Variants in CCNL1 observed in about 807,000 individuals in gnomAD.
CCNL1 encodes cyclin L1.
Under a neutral mutation model 60.6 loss-of-function variants are expected in CCNL1, and 13 were observed. The ratio of observed to expected loss-of-function variants is 0.21; its 90% CI spans 0.14 to 0.34. The LOEUF (loss-of-function observed/expected upper bound fraction) is 0.34. Ranked by LOEUF, CCNL1 falls within the 10% of genes least tolerant of loss-of-function variation. The probability of loss-of-function intolerance (pLI) is 1.00; values close to 1 mark genes in which losing one functional copy is unlikely to be tolerated. For synonymous variants in CCNL1, 270 were observed against 244.3 expected (o/e 1.10, Z -0.98); for missense variants, 481 against 664.3 (o/e 0.72, Z 3.03).
intron 4 of CCNL1, 126 bp from the exon 5 acceptor site, chr3:157,152,367 T>A (rs1324894550): frequency 7.0e-7 from 1 of 1,435,016 alleles, no homozygotes; most frequent in East Asian, 2.5e-5. Flanking sequence ...TACAGACCAA[T>A]TTAAATGTAC....
At chr3:157,156,997 G>C (rs183295820) in intron 3 of CCNL1, 25 of 1,289,762 alleles carry the variant, frequency 1.9e-5, no homozygotes, top group African/African-American at 4.5e-5. Flanking sequence ...GGGGATTTTC[G>C]ATACTTCACT....
chr3:157,146,479 C>T (rs543383958), downstream of CCNL1: 35 of 444,956 alleles, frequency 7.9e-5, no homozygotes, highest in South Asian at 5.5e-4. Context: ...CTCCTATTTC[C>T]AAGCAAAGAT....
downstream of CCNL1, chr3:157,146,675 C>T (rs1405049126): frequency 5.5e-6 from 2 of 362,452 alleles, no homozygotes; most frequent in African/African-American, 2.2e-5. Context: ...CCTTTGCTGA[C>T]ATTTGCCTTT....
intron 5 of CCNL1, chr3:157,150,851 G>A: frequency 1.0e-6 from 1 of 986,468 alleles, no homozygotes; most frequent in Non-Finnish European, 1.2e-6. Flanking sequence ...GGCATTTTCA[G>A]TAAGTACCAA....
intron 5 of CCNL1, chr3:157,150,993 T>TA: frequency 1.0e-6 from 1 of 985,294 alleles, no homozygotes; most frequent in African/African-American, 1.7e-5. Context: ...CTATTTCAGT[T>TA]AAAAAATTGC....
chr3:157,149,187 A>T, intron 10 of CCNL1, 100 bp downstream of exon 10: 1 of 968,554 alleles, frequency 1.0e-6, no homozygotes, highest in Admixed American at 2.2e-5. Flanking sequence ...CCTAATTCTA[A>T]CCTAACTTTG....
intron 5 of CCNL1, 32 bp downstream of exon 5, chr3:157,152,145 G>A: frequency 6.2e-7 from 1 of 1,603,630 alleles, no homozygotes; most frequent in Non-Finnish European, 8.5e-7. Context: ...CTGTTTTCCT[G>A]GCTAGGAAAG....
chr3:157,147,705 A>C lies in CCNL1; in HGVS notation c.*536T>G. On this transcript the variant is annotated 3_prime_UTR_variant, in exon 11 of 11. Coordinates refer to ENST00000295926, the MANE Select transcript of CCNL1 (RefSeq NM_020307.4). ...ATCTCAAACTACCATCTAATGGAGG[A>C]AAGAATAAGTTTGTCAGAAAACCAG... The C allele has an allele frequency of 2.0e-6, 2 of 985,306 alleles. No individual in the cohort carries two copies. The highest frequency in any genetic ancestry group is 2.4e-6 in the Non-Finnish European group (2 of 829,798). The allele number at this position is 985,306 out of a possible 1,614,324, so 61.0% of individuals were successfully genotyped here. A position where few individuals can be genotyped will look rare whatever the true frequency, so the allele number is the denominator to read the frequency against.
Position 157,150,143 on chromosome 3 carries a change from C to A in CCNL1, c.801G>T (p.Trp267Cys). 6.2e-7 allele frequency: 1 copy of A among 1,612,788 alleles called. No homozygotes were observed. Among genetic ancestry groups the A allele is most frequent in the Non-Finnish European group, 8.5e-7 (1 of 1,179,668 alleles). The change falls in exon 7 of 11, where the codon TGG (tryptophan) becomes TGT (cysteine). Residue 267 changes from tryptophan (W) to cysteine (C), a missense_variant. Physicochemically the swap from Trp to Cys is radical, Grantham distance 215 (BLOSUM62 -2). This residue lies in a region of CCNL1 where 75 missense variants were observed against 129.6 expected (regional missense o/e 0.58). Coordinates refer to ENST00000295926, the MANE Select transcript of CCNL1 (RefSeq NM_020307.4). ...CTTCTGTAGTACCAAAAAGAAGAAACCAATGGGGACGAGTTGGCAACGGAA... is the reference window on the plus strand; with the variant it reads ...CTTCTGTAGTACCAAAAAGAAGAAAACAATGGGGACGAGTTGGCAACGGAA... The part of the protein sequence containing the change: ...LQIPLPTRPH[W>C]FLLFGTTEEE...
In CCNL1 at chr3:157,151,399, AAG is replaced by A. The variant is rs1034234509; in HGVS notation, c.674+776_674+777del. ...ACTCCAAATCACACATCTGCATCTCAAGAAGTCCAAGTGCTAAAGCATTTAAG... is the reference window on the plus strand; with the variant it reads ...ACTCCAAATCACACATCTGCATCTCAAAGTCCAAGTGCTAAAGCATTTAAG... On this transcript the variant is annotated intron_variant, in intron 5 of 10. Transcript: ENST00000295926. 45 of 981,788 alleles carry A rather than the reference AAG, an allele frequency of 4.6e-5. 1 individual carries two copies. In the African/African-American group the frequency reaches 5.8e-4, roughly 13 times the overall value. 60.8% of individuals were successfully genotyped at this position (981,788 alleles called of 1,614,324 possible). A position where few individuals can be genotyped will look rare whatever the true frequency, so the allele number is the denominator to read the frequency against.
At chr3:157,146,609 T>TTA (rs763015305), downstream of CCNL1, 1 of 260,142 alleles carries the variant, frequency 3.8e-6, no homozygotes, top group Non-Finnish European at 7.5e-6. Context: ...ACCTCGTCTC[T>TTA]AAAAAAAAAA....
At chr3:157,152,819 CAATT>C (rs1738294725) in intron 4 of CCNL1, 1 of 1,297,932 alleles carries the variant, frequency 7.7e-7, no homozygotes, top group African/African-American at 1.5e-5. Context: ...TATGAGCACA[CAATT>C]AAGATTTAAG....
intron 2 of CCNL1, 85 bp downstream of exon 2, chr3:157,159,320 C>G (rs1738873999): frequency 7.8e-7 from 1 of 1,284,280 alleles, no homozygotes; most frequent in Non-Finnish European, 1.1e-6. Context: ...CACTCCCTTT[C>G]TGGAAAAGCT....
At chr3:157,143,331 G>C (rs917120461), downstream of CCNL1, among the ~76,000 whole-genome samples, 1 of 152,172 alleles carries the variant, frequency 6.6e-6, no homozygotes, top group African/African-American at 2.4e-5. Flanking sequence ...CAGGAACCTA[G>C]TCCTCTCTTT....
At chr3:157,158,447 A>G (rs1008388132) in intron 3 of CCNL1, among the ~76,000 whole-genome samples, 4 of 152,160 alleles carry the variant, frequency 2.6e-5, no homozygotes, top group African/African-American at 9.7e-5. Flanking sequence ...GACTTCGAGT[A>G]GAAAAACATA....
chr3:157,145,454 A>C (rs1488293717), downstream of CCNL1, among the ~76,000 whole-genome samples: 1 of 148,850 alleles, frequency 6.7e-6, no homozygotes, highest in African/African-American at 2.5e-5. Flanking sequence ...AAAAAAAAAA[A>C]AAAAAAAAAA....
chr3:157,150,975 G>A, intron 5 of CCNL1: 2 of 985,134 alleles, frequency 2.0e-6, no homozygotes, highest in East Asian at 2.3e-4. Flanking sequence ...CTAGGTAAAA[G>A]AGATAAACTA....
chr3:157,151,438 T>C (rs1738186449), intron 5 of CCNL1: 1 of 985,780 alleles, frequency 1.0e-6, no homozygotes, highest in East Asian at 1.1e-4. Flanking sequence ...AATATTATAG[T>C]AACATCTCTT....
Position 157,149,490 on chromosome 3 carries a change from G to A in CCNL1, c.1128C>T (p.Tyr376=), listed in dbSNP as rs201417330. 8 of 1,613,612 alleles carry A rather than the reference G, an allele frequency of 5.0e-6. No homozygotes were observed. The East Asian group carries it at 1.8e-4, about 36-fold the overall frequency. Residue 376 remains tyrosine (Y), a synonymous_variant, in exon 9 of 11, where the codon TAC becomes TAT. Coordinates refer to ENST00000295926, the MANE Select transcript of CCNL1 (RefSeq NM_020307.4). The part of the protein sequence containing the change: ...EDRQQASKSP[Y]NGVRKDSKRS... ...TCCAGCCCAAGTATACTCACCCATTGTAAGGGCTTTTGGAAGCCTGTTGTC... is the reference window on the plus strand; with the variant it reads ...TCCAGCCCAAGTATACTCACCCATTATAAGGGCTTTTGGAAGCCTGTTGTC...
Sources: allele counts gnomAD v4.1 joint callset (sites outside exome capture counted in the v4.1 genomes callset), GRCh38; gene constraint gnomAD v4.1.1; regional missense constraint gnomAD v4.1.1; transcripts MANE v1.5; gene names NCBI Gene and HGNC (gene_info 2026-07-23, HGNC 2026-07-21).